The following NRXN3 variants were observed in gnomAD, a reference collection of about 807,000 sequenced individuals.
NRXN3 encodes the protein neurexin III.
A neutral mutation model predicts 137.6 loss-of-function variants in NRXN3; 32 were observed. The ratio of observed to expected loss-of-function variants is 0.23; its 90% CI spans 0.18 to 0.31. The LOEUF (loss-of-function observed/expected upper bound fraction) is 0.31. Among genes scored for constraint, NRXN3 ranks in the 10% least tolerant of loss-of-function variants. The pLI is 1.00. For synonymous variants in NRXN3, 798 were observed against 784.5 expected, an observed-to-expected ratio of 1.02 and a Z score of -0.29; for missense variants, 1,574 against 2,062.5, an observed-to-expected ratio of 0.76 and a Z score of 4.59.
chr14:79,435,069 C>G (rs967629774), intron 15 of NRXN3, among the ~76,000 whole-genome samples: 1 of 152,136 alleles, frequency 6.6e-6, no homozygotes, highest in African/African-American at 2.4e-5. Context: ...ATATCTGATT[C>G]AAGGCCAAAA....
intron 15 of NRXN3, among the ~76,000 whole-genome samples, chr14:79,388,605 C>A (rs1331940437): frequency 6.6e-6 from 1 of 152,006 alleles, no homozygotes; most frequent in African/African-American, 2.4e-5. Flanking sequence ...AGGCTCACAG[C>A]CCTCGACTCA....
chr14:78,842,049 G>A (rs1277224020), intron 10 of NRXN3, among the ~76,000 whole-genome samples: 1 of 151,912 alleles, frequency 6.6e-6, no homozygotes, highest in Non-Finnish European at 1.5e-5. Flanking sequence ...CTTTGCCTTG[G>A]GAATCAAATA....
At chr14:78,935,541 A>G (rs768498835) in intron 10 of NRXN3, among the ~76,000 whole-genome samples, 1 of 152,196 alleles carries the variant, frequency 6.6e-6, no homozygotes, top group Non-Finnish European at 1.5e-5. Flanking sequence ...AAATAATACA[A>G]TGAAAATGCT....
rs377537524 is a variant in NRXN3, at chr14:78,559,625, A to C, written c.758-85495A>C. ...GATTACCACCAGCCATGCACAAGAA[A>C]AATTTCTAAACTGTCTCTATTCTTG... On this transcript the variant is annotated intron_variant, in intron 4 of 20. Coordinates refer to ENST00000335750, the MANE Select transcript of NRXN3 (RefSeq NM_001330195.2). Among the ~76,000 whole-genome samples, 56 of 152,342 alleles carry C rather than the reference A, an allele frequency of 3.7e-4. No individual in the cohort carries two copies. The East Asian group carries it at 7.9e-3, about 21-fold the overall frequency.
chr14:79,842,614 A>C (rs1023097874), intron 20 of NRXN3, among the ~76,000 whole-genome samples: 2 of 152,180 alleles, frequency 1.3e-5, no homozygotes, highest in Non-Finnish European at 2.9e-5. Context: ...TACTTTAAGA[A>C]ATAAATTTTG....
rs898252440 is a variant in NRXN3 at position 78,820,227 on chromosome 14, A to C, written c.2275+9883A>C. Among the ~76,000 whole-genome samples the C allele has an allele frequency of 3.4e-5, 5 of 149,010 alleles. No individual in the cohort carries two copies. In the Admixed American group the frequency reaches 3.4e-4, roughly 10 times the overall value. On this transcript the variant is annotated intron_variant, in intron 10 of 20. Coordinates refer to ENST00000335750, the MANE Select transcript of NRXN3 (RefSeq NM_001330195.2). Reference sequence around the variant, plus strand: ...CCTAATATATATAAATTATATGTATAAAGTACATATATACATATATATATA... The same window carrying C: ...CCTAATATATATAAATTATATGTATCAAGTACATATATACATATATATATA...
intron 16 of NRXN3, among the ~76,000 whole-genome samples, chr14:79,653,056 A>C (rs1449375889): frequency 1.3e-5 from 2 of 151,992 alleles, no homozygotes; most frequent in Non-Finnish European, 1.5e-5. Context: ...ACACACACAC[A>C]CACCAGAGTC....
chr14:78,433,777 T>C (rs1384109418), intron 4 of NRXN3, among the ~76,000 whole-genome samples: 2 of 152,230 alleles, frequency 1.3e-5, no homozygotes, highest in East Asian at 3.9e-4. Flanking sequence ...TCTCTGCTCT[T>C]TATAAATTAC....
intron 16 of NRXN3, among the ~76,000 whole-genome samples, chr14:79,624,895 C>T (rs74682970): frequency 6.6e-6 from 1 of 151,482 alleles, no homozygotes. Flanking sequence ...CCTCAACTTC[C>T]CAGGCTCCAG....
intron 4 of NRXN3, among the ~76,000 whole-genome samples, chr14:78,589,625 G>A (rs1291942493): frequency 6.6e-6 from 1 of 152,176 alleles, no homozygotes; most frequent in African/African-American, 2.4e-5. Flanking sequence ...TTTACTCTGA[G>A]TGTGTTTTAT....
chr14:78,711,277 G>T (rs868648447), intron 7 of NRXN3, among the ~76,000 whole-genome samples: 9 of 151,912 alleles, frequency 5.9e-5, no homozygotes, highest in Middle Eastern at 3.4e-3. Flanking sequence ...ATTTCTGTCT[G>T]TTCCTAATAC....
chr14:79,263,601 T>C (rs1259913004), intron 15 of NRXN3, among the ~76,000 whole-genome samples: 2 of 152,084 alleles, frequency 1.3e-5, no homozygotes, highest in Admixed American at 6.6e-5. Context: ...CTCTGTAAAA[T>C]GAGGGAGGTA....
intron 20 of NRXN3, among the ~76,000 whole-genome samples, chr14:79,806,441 T>C (rs1405379777): frequency 6.6e-6 from 1 of 152,172 alleles, no homozygotes; most frequent in Non-Finnish European, 1.5e-5. Flanking sequence ...ATTAATATGA[T>C]AGGGCTTCCA....
intron 20 of NRXN3, among the ~76,000 whole-genome samples, chr14:79,810,433 G>A (rs752454806): frequency 1.1e-4 from 16 of 152,200 alleles, no homozygotes; most frequent in Non-Finnish European, 2.2e-4. Context: ...ATAAGACTGT[G>A]CTAAGCAGCT....
chr14:78,631,882 A>C (rs1454228617), intron 4 of NRXN3, among the ~76,000 whole-genome samples: 1 of 152,038 alleles, frequency 6.6e-6, no homozygotes, highest in Non-Finnish European at 1.5e-5. Flanking sequence ...CAGGAGGATC[A>C]GGAGGATCAG....
intron 15 of NRXN3, among the ~76,000 whole-genome samples, chr14:79,417,335 T>G (rs2095511488): frequency 1.3e-5 from 2 of 152,298 alleles, no homozygotes; most frequent in South Asian, 2.1e-4. Flanking sequence ...CACATATTTC[T>G]TCCATTTGCT....
chr14:79,582,509 CT>C (rs2097726014), intron 16 of NRXN3, among the ~76,000 whole-genome samples: 1 of 152,126 alleles, frequency 6.6e-6, no homozygotes, highest in African/African-American at 2.4e-5. Flanking sequence ...CAATCTCTGC[CT>C]CCTGGGTTGA....
Position 79,861,136 on chromosome 14 carries a change from C to T in NRXN3, c.4094-206C>T, listed in dbSNP as rs1170513201. The T allele has an allele frequency of 1.4e-6, 2 of 1,481,064 alleles. No individual in the cohort carries two copies. Among genetic ancestry groups the T allele is most frequent in the Non-Finnish European group, 1.8e-6 (2 of 1,117,666 alleles). 91.7% of individuals were successfully genotyped at this position (1,481,064 alleles called of 1,614,324 possible). On this transcript the variant is annotated intron_variant, in intron 20 of 20. Coordinates refer to ENST00000335750, the MANE Select transcript of NRXN3 (RefSeq NM_001330195.2). This position sits in a 1 kb window ranked among gnomAD's most constrained non-coding sequence, Gnocchi z 5.4. Reference sequence around the variant, plus strand: ...CCATTACACTCCCCCCTACCTTTCGCCCCCTCCTCACCATTATTGAGACCA... The same window carrying T: ...CCATTACACTCCCCCCTACCTTTCGTCCCCTCCTCACCATTATTGAGACCA...
intron 15 of NRXN3, among the ~76,000 whole-genome samples, chr14:79,308,736 G>A (rs2086586813): frequency 6.6e-6 from 1 of 151,052 alleles, no homozygotes; most frequent in Admixed American, 6.6e-5. Context: ...TGTCTTGCAT[G>A]ATAGAAACTA....
Sources: gnomAD v4.1 joint callset for allele counts (sites outside exome capture counted in the v4.1 genomes callset) on GRCh38, gnomAD v4.1.1 for gene constraint, Gnocchi (gnomAD v3.1) non-coding constraint, MANE v1.5 for transcripts, NCBI Gene and HGNC (gene_info 2026-07-23, HGNC 2026-07-21) for gene names.